GPCPD1: variants seen among roughly 807,000 people sequenced by gnomAD.
GPCPD1 encodes the protein glycerophosphocholine phosphodiesterase 1.
GPCPD1 carries 29 observed loss-of-function variants against 89.2 expected under a neutral mutation model. That is an observed-to-expected ratio of 0.33 (90% CI 0.24 to 0.44). GPCPD1 has a LOEUF of 0.44. GPCPD1 is among the 20% of genes least tolerant of loss of function. GPCPD1 has a pLI of 1.00. For missense variants in GPCPD1, 594 were observed against 808.9 expected, an observed-to-expected ratio of 0.73 and a Z score of 3.22; for synonymous variants, 258 against 266.3, an observed-to-expected ratio of 0.97 and a Z score of 0.30.
chr20:5,548,035 G>C (rs537593808), intron 19 of GPCPD1, among the ~76,000 whole-genome samples, 185 bp from the exon 20 acceptor site: 1 of 152,116 alleles, frequency 6.6e-6, no homozygotes, highest in Non-Finnish European at 1.5e-5. Context: ...CTTCTTCCCA[G>C]TCTTTCCAAT....
chr20:5,559,889 A>G (rs779234792), intron 17 of GPCPD1, 51 bp downstream of exon 17: 6 of 1,022,524 alleles, frequency 5.9e-6, no homozygotes, highest in Non-Finnish European at 8.3e-6. Context: ...TGCTGCCTTA[A>G]GTCCTAGACA....
intron 11 of GPCPD1, among the ~76,000 whole-genome samples, chr20:5,571,781 C>T (rs1329687424): frequency 5.3e-5 from 8 of 151,976 alleles, no homozygotes; most frequent in Admixed American, 2.6e-4. Context: ...TGGTGGCAAA[C>T]GCCTGTAATC....
chr20:5,587,116 T>A (rs1320322933), intron 4 of GPCPD1, among the ~76,000 whole-genome samples: 2 of 152,204 alleles, frequency 1.3e-5, no homozygotes, highest in African/African-American at 4.8e-5. Context: ...AATTTAAGTG[T>A]TCTAATTTTC....
At chr20:5,570,426 CAAAAAAA>C (rs36030193) in intron 11 of GPCPD1, among the ~76,000 whole-genome samples, 187 bp from the exon 12 acceptor site, 53 of 86,046 alleles carry the variant, frequency 6.2e-4, no homozygotes, top group African/African-American at 1.6e-3. Context: ...TTTTTCCTGG[CAAAAAAA>C]AAAAAAAAAA....
intron 11 of GPCPD1, among the ~76,000 whole-genome samples, chr20:5,572,733 G>A (rs1308630550): frequency 6.6e-6 from 1 of 151,970 alleles, no homozygotes; most frequent in East Asian, 1.9e-4. Context: ...AAAATCTCAG[G>A]TTATTGATTA....
chr20:5,607,382 G>C (rs1042415270), intron 1 of GPCPD1, among the ~76,000 whole-genome samples: 7 of 151,994 alleles, frequency 4.6e-5, no homozygotes, highest in African/African-American at 1.7e-4. Flanking sequence ...CATGAGGTCA[G>C]GAATTCAAGA....
chr20:5,583,676 A>T (rs1978717346), intron 6 of GPCPD1, among the ~76,000 whole-genome samples: 1 of 152,240 alleles, frequency 6.6e-6, no homozygotes, highest in African/African-American at 2.4e-5. Context: ...TTAAACATTC[A>T]GCCAGAATTA....
At position 5,583,225 on chromosome 20, in the gene GPCPD1, C is replaced by CA. The variant is rs35153907; in HGVS notation, c.349+1055dup. Among the ~76,000 whole-genome samples the CA allele has an allele frequency of 9.1e-3, 583 of 63,988 alleles. 3 individuals are homozygous for CA. The highest frequency in any genetic ancestry group is 0.023 in the African/African-American group (316 of 13,982). The allele number at this position is 63,988 out of a possible 152,430, so 42.0% of individuals were successfully genotyped here. On this transcript the variant is annotated intron_variant, in intron 6 of 19. Coordinates refer to ENST00000379019, the MANE Select transcript of GPCPD1 (RefSeq NM_019593.5). ...GGCAACAGGTGCAAAAACTCCATCT[C>CA]AAAAAAAAAAAAAAAAAAAAAAAGA... is the stretch of plus-strand genomic sequence containing the variant.
At chr20:5,570,447 A>AAAC (rs1986653385) in intron 11 of GPCPD1, among the ~76,000 whole-genome samples, 2 of 150,766 alleles carry the variant, frequency 1.3e-5, no homozygotes, top group Admixed American at 6.6e-5. Flanking sequence ...AAAAAAAAAA[A>AAAC]CGGACACAGA....
chr20:5,586,754 C>T (rs1036460938), intron 4 of GPCPD1, among the ~76,000 whole-genome samples: 2 of 152,086 alleles, frequency 1.3e-5, no homozygotes, highest in African/African-American at 4.8e-5. Context: ...TCGCAAGCTA[C>T]TCAAGGAACT....
At chr20:5,564,942 T>C in intron 15 of GPCPD1, 75 bp downstream of exon 15, 1 of 782,434 alleles carries the variant, frequency 1.3e-6, no homozygotes, top group South Asian at 1.5e-5. Flanking sequence ...AGGATCCTTT[T>C]AAGAAACAAA....
intron 3 of GPCPD1, among the ~76,000 whole-genome samples, chr20:5,596,964 G>T (rs1979772752): frequency 6.6e-6 from 1 of 152,052 alleles, no homozygotes; most frequent in South Asian, 2.1e-4. Flanking sequence ...ACATCTTTTT[G>T]ACCAAGTTGG....
At chr20:5,605,433 C>G (rs1980513636) in intron 1 of GPCPD1, among the ~76,000 whole-genome samples, 1 of 152,114 alleles carries the variant, frequency 6.6e-6, no homozygotes, top group Non-Finnish European at 1.5e-5. Flanking sequence ...TGTTGTGGAA[C>G]AAGTTTGAGA....
rs187507776 is a variant in GPCPD1 at position 5,598,809 on chromosome 20, G to A, written c.62C>T (p.Ala21Val). The A allele has an allele frequency of 1.2e-4, 194 of 1,605,692 alleles. 2 individuals are homozygous for A. The East Asian group carries it at 2.5e-3, about 20-fold the overall frequency. The change falls in exon 3 of 20, where the codon GCG (alanine) becomes GTG (valine). Residue 21 changes from alanine to valine, a missense_variant. Coordinates refer to ENST00000379019, the MANE Select transcript of GPCPD1 (RefSeq NM_019593.5). ...CAAAGCATCACAGCTTCCACATATCGCAAAAACTTCTCCTAAAGAAACAGA... is the reference window on the plus strand; with the variant it reads ...CAAAGCATCACAGCTTCCACATATCACAAAAACTTCTCCTAAAGAAACAGA... Reference protein sequence around the residue: ...RGTLLPGEVFAICGSCDALGN... With the variant: ...RGTLLPGEVFVICGSCDALGN...
In GPCPD1 at chr20:5,547,643, AC is replaced by A; in HGVS notation, c.*17del. 1 of 1,439,388 alleles carries A rather than the reference AC, an allele frequency of 6.9e-7. No homozygotes were observed. The highest frequency in any genetic ancestry group is 1.2e-5 in the South Asian group (1 of 84,064). The allele number at this position is 1,439,388 out of a possible 1,614,324, so 89.2% of individuals were successfully genotyped here. The stretch of plus-strand genomic sequence containing the variant: ...AACAGCGGTGCACGCCCCCAAAATG[AC>A]CTCTGTGCAATAAAAACTAAGCATT... On this transcript the variant is annotated 3_prime_UTR_variant, in exon 20 of 20. Transcript: ENST00000379019.
Position 5,576,158 on chromosome 20 carries a change from C to T in GPCPD1, c.706-180G>A, listed in dbSNP as rs73596115. Among the ~76,000 whole-genome samples the T allele has an allele frequency of 1.3e-4, 20 of 151,448 alleles. 1 individual carries two copies. In the East Asian group the frequency reaches 3.5e-3, roughly 26 times the overall value. On this transcript the variant is annotated intron_variant, in intron 8 of 19. Coordinates refer to ENST00000379019, the MANE Select transcript of GPCPD1 (RefSeq NM_019593.5). ...ATTTTCGGCCGGGGTCAGTGGCTCA[C>T]GTCTGTAATCCCAGCACTTTGGGAT...
chr20:5,605,566 G>A (rs1441871258), intron 1 of GPCPD1, among the ~76,000 whole-genome samples: 1 of 152,084 alleles, frequency 6.6e-6, no homozygotes, highest in African/African-American at 2.4e-5. Context: ...ATCACTTGAG[G>A]TCAGGAGTTC....
intron 4 of GPCPD1, 112 bp from the exon 5 acceptor site, chr20:5,586,381 T>C (rs1455343301): frequency 3.2e-6 from 2 of 621,030 alleles, no homozygotes; most frequent in Non-Finnish European, 5.9e-6. Context: ...GACCAAAAGA[T>C]TCATCTTATT....
At chr20:5,591,883 G>A (rs938613554) in intron 4 of GPCPD1, among the ~76,000 whole-genome samples, 22 of 152,138 alleles carry the variant, frequency 1.4e-4, no homozygotes, top group African/African-American at 4.6e-4. Context: ...ACGATACAGA[G>A]CACCTACTTA....
Sources: gnomAD v4.1 joint callset for allele counts (sites outside exome capture counted in the v4.1 genomes callset) on GRCh38, gnomAD v4.1.1 for gene constraint, MANE v1.5 for transcripts, NCBI Gene and HGNC (gene_info 2026-07-23, HGNC 2026-07-21) for gene names.